Variants in ZNF341 observed in about 807,000 individuals in gnomAD.
ZNF341 encodes zinc finger protein 341.
A neutral mutation model predicts 87.7 loss-of-function variants in ZNF341; 52 were observed. That is an observed-to-expected ratio of 0.59 (90% confidence interval 0.47 to 0.75). The LOEUF is 0.75. Among genes scored for constraint, ZNF341 ranks in the 30% least tolerant of loss-of-function variants. ZNF341 has a pLI of 0.00. For missense variants in ZNF341, 977 were observed against 1,145.9 expected, an observed-to-expected ratio of 0.85 and a Z score of 2.13; for synonymous variants, 459 against 472.7, an observed-to-expected ratio of 0.97 and a Z score of 0.38.
intron 10 of ZNF341, 75 bp from the exon 11 acceptor site, chr20:33,781,216 C>A: frequency 9.1e-7 from 1 of 1,095,986 alleles, no homozygotes; most frequent in Non-Finnish European, 1.4e-6. Flanking sequence ...CTAATGTTGG[C>A]CCTGGGGTGG....
At chr20:33,773,445 G>A (rs1451396046) in intron 10 of ZNF341, among the ~76,000 whole-genome samples, 1 of 152,192 alleles carries the variant, frequency 6.6e-6, no homozygotes, top group Non-Finnish European at 1.5e-5. Flanking sequence ...GCCTGAAGGT[G>A]GAATGGTGTC....
chr20:33,777,452 T>C (rs952570750), intron 10 of ZNF341, among the ~76,000 whole-genome samples: 3 of 150,896 alleles, frequency 2.0e-5, no homozygotes, highest in Non-Finnish European at 4.4e-5. Context: ...CTGGCCAACA[T>C]GGCGAAATGC....
At chr20:33,754,251 A>G (rs920113694) in intron 5 of ZNF341, among the ~76,000 whole-genome samples, 4 of 152,180 alleles carry the variant, frequency 2.6e-5, no homozygotes, top group African/African-American at 9.7e-5. Context: ...TGGTGCCATA[A>G]TACAATCAAT....
At position 33,747,633 on chromosome 20, in the gene ZNF341, A is replaced by AAC. The variant is rs1267772637; in HGVS notation, c.340-1289_340-1288insCA. ...CCGTCTCAAAAAAAAAAAAAAAAAA[A>AAC]AAAAAAAAACACAGTCATTTTTCTC... On this transcript the variant is annotated intron_variant, in intron 3 of 14. Coordinates refer to ENST00000375200, the MANE Select transcript of ZNF341 (RefSeq NM_001282933.2). Among the ~76,000 whole-genome samples the AAC allele has an allele frequency of 2.3e-5, 3 of 132,610 alleles. 1 individual carries two copies. The highest frequency in any genetic ancestry group is 1.1e-4 in the African/African-American group (3 of 26,176). The allele number at this position is 132,610 out of a possible 152,430, so 87.0% of individuals were successfully genotyped here.
chr20:33,740,612 C>T (rs2018778505), intron 1 of ZNF341, among the ~76,000 whole-genome samples: 2 of 152,162 alleles, frequency 1.3e-5, no homozygotes, highest in Admixed American at 1.3e-4. Context: ...TCAAGCAGTC[C>T]TCCCGCCTCA....
At chr20:33,765,011 A>G (rs2019377135) in intron 8 of ZNF341, among the ~76,000 whole-genome samples, 2 of 151,644 alleles carry the variant, frequency 1.3e-5, no homozygotes, top group South Asian at 2.1e-4. Context: ...TTGTTTTTGT[A>G]GAGACAGGGT....
intron 4 of ZNF341, among the ~76,000 whole-genome samples, chr20:33,751,448 G>A (rs953105718): frequency 1.3e-5 from 2 of 152,136 alleles, no homozygotes; most frequent in Non-Finnish European, 2.9e-5. Flanking sequence ...CTGTCTTGGG[G>A]AGGTGGGGAG....
intron 5 of ZNF341, among the ~76,000 whole-genome samples, chr20:33,754,940 C>T (rs1223402430): frequency 6.6e-6 from 1 of 152,092 alleles, no homozygotes; most frequent in East Asian, 1.9e-4. Flanking sequence ...ATTCACGTGA[C>T]AAGTATTTAT....
At chr20:33,752,500 G>C in intron 4 of ZNF341, 1 of 502,230 alleles carries the variant, frequency 2.0e-6, no homozygotes, top group Non-Finnish European at 3.9e-6. Context: ...ATTGATGGCC[G>C]AATGACCCTT....
At chr20:33,779,648 A>T (rs1052351867) in intron 10 of ZNF341, among the ~76,000 whole-genome samples, 4 of 151,918 alleles carry the variant, frequency 2.6e-5, no homozygotes, top group Non-Finnish European at 4.4e-5. Flanking sequence ...ACAGGGTTTC[A>T]CCGTATTGGC....
intron 1 of ZNF341, 61 bp from the exon 2 acceptor site, chr20:33,740,841 G>T: frequency 9.9e-6 from 15 of 1,507,880 alleles, no homozygotes; most frequent in Non-Finnish European, 1.4e-5. Flanking sequence ...TGGCTTGTAA[G>T]GGTGATGTCA....
intron 9 of ZNF341, among the ~76,000 whole-genome samples, chr20:33,767,956 C>T (rs1410978686): frequency 6.6e-6 from 1 of 152,126 alleles, no homozygotes; most frequent in East Asian, 1.9e-4. Context: ...CTCCATACAT[C>T]AAATGTGTAT....
chr20:33,748,900 A>G (rs1229562237), intron 3 of ZNF341, 23 bp from the exon 4 acceptor site: 6 of 1,596,956 alleles, frequency 3.8e-6, no homozygotes, highest in Non-Finnish European at 5.1e-6. Context: ...CGTCTCACTC[A>G]TTCTCTCTCT....
intron 8 of ZNF341, among the ~76,000 whole-genome samples, chr20:33,766,529 C>G (rs543408877): frequency 5.3e-4 from 81 of 152,198 alleles, no homozygotes; most frequent in African/African-American, 1.4e-3. Context: ...ACTGGGGAGG[C>G]ATTAGGAGTA....
intron 5 of ZNF341, 25 bp from the exon 6 acceptor site, chr20:33,757,123 T>C: frequency 1.4e-6 from 2 of 1,380,334 alleles, no homozygotes; most frequent in Non-Finnish European, 1.9e-6. Context: ...GCAGGGCTTT[T>C]TCCCTGACTG....
At chr20:33,777,035 T>G (rs907961773) in intron 10 of ZNF341, among the ~76,000 whole-genome samples, 18 of 151,594 alleles carry the variant, frequency 1.2e-4, no homozygotes, top group Middle Eastern at 3.4e-3. Flanking sequence ...GAAGTTGGGC[T>G]CTGTGCGGTG....
In ZNF341 at chr20:33,761,990, G is replaced by A. The variant is rs2747553; in HGVS notation, c.1157G>A (p.Arg386Gln). Residue 386 changes from arginine (R) to glutamine (Q), a missense_variant, in exon 8 of 15, where the codon CGA becomes CAA. This residue lies in a region of ZNF341 where 515 missense variants were observed against 598.2 expected (regional missense o/e 0.86). Coordinates refer to ENST00000375200, the MANE Select transcript of ZNF341 (RefSeq NM_001282933.2). ...PPGHSGGTVS[R>Q]NSVTVQVMAL... ...GGACACAGTGGTGGCACCGTGTCTC[G>A]AAACTCTGTGACCGTACAGGTCATG... 1,615 of 1,606,380 alleles carry A rather than the reference G, an allele frequency of 1.0e-3. 13 individuals are homozygous for A. The African/African-American group carries it at 0.019, about 19-fold the overall frequency.
chr20:33,763,381 C>T (rs1285339070), intron 8 of ZNF341, among the ~76,000 whole-genome samples: 7 of 152,158 alleles, frequency 4.6e-5, no homozygotes, highest in Admixed American at 1.3e-4. Flanking sequence ...TCACTGCAAC[C>T]GCTGCCTTCC....
chr20:33,780,195 A>T (rs567520438), intron 10 of ZNF341, among the ~76,000 whole-genome samples: 1 of 152,034 alleles, frequency 6.6e-6, no homozygotes, highest in South Asian at 2.1e-4. Flanking sequence ...GTTCCGGGGA[A>T]CAGGAACAGC....
Sources: gnomAD v4.1 joint callset for allele counts (sites outside exome capture counted in the v4.1 genomes callset) on GRCh38, gnomAD v4.1.1 for gene constraint, gnomAD v4.1.1 regional missense constraint, MANE v1.5 for transcripts, NCBI Gene and HGNC (gene_info 2026-07-23, HGNC 2026-07-21) for gene names.